The following CSTPP1 variants were observed in gnomAD, a reference collection of about 807,000 sequenced individuals.
CSTPP1 encodes UPF0705 protein C11orf49.
the CSTPP1 span, among the ~76,000 whole-genome samples, chr11:46,977,768 A>C: frequency 6.6e-6 from 1 of 152,250 alleles, no homozygotes; most frequent in African/African-American, 2.4e-5. Flanking sequence ...AATGACAAGT[A>C]GCCCCCAAAT....
chr11:47,118,392 G>A, the CSTPP1 span, among the ~76,000 whole-genome samples: 338 of 152,152 alleles, frequency 2.2e-3, no homozygotes, highest in African/African-American at 7.8e-3. Flanking sequence ...CGATGGGTTC[G>A]AAAATTCTTC....
At chr11:47,022,925 C>A in the CSTPP1 span, among the ~76,000 whole-genome samples, 1 of 152,140 alleles carries the variant, frequency 6.6e-6, no homozygotes, top group African/African-American at 2.4e-5. Context: ...AATTGCAATA[C>A]AAAGTCATAC....
the CSTPP1 span, among the ~76,000 whole-genome samples, chr11:46,993,159 T>G: frequency 6.6e-6 from 1 of 152,234 alleles, no homozygotes; most frequent in Non-Finnish European, 1.5e-5. Flanking sequence ...ATGGGTAGAT[T>G]GCAGAAATTT....
chr11:46,937,018 G>GA, the CSTPP1 span, among the ~76,000 whole-genome samples: 1 of 152,068 alleles, frequency 6.6e-6, no homozygotes, highest in Non-Finnish European at 1.5e-5. Flanking sequence ...GAGCAGGAAG[G>GA]AAAAAAGCAC....
At chr11:47,101,164 A>ATTTTTTTTTTTTTTTTT in the CSTPP1 span, among the ~76,000 whole-genome samples, 11 of 30,376 alleles carry the variant, frequency 3.6e-4, 1 homozygote, top group African/African-American at 5.4e-4. Context: ...ACACCGGCTA[A>ATTTTTTTTTTTTTTTTT]TTTTTTTTTT....
chr11:47,111,503 C>CTT, the CSTPP1 span, among the ~76,000 whole-genome samples: 8 of 152,126 alleles, frequency 5.3e-5, no homozygotes, highest in Non-Finnish European at 1.0e-4. Flanking sequence ...TGCTTTCTCT[C>CTT]TTATGTTGCT....
At chr11:47,137,230 T>C in the CSTPP1 span, 1 of 1,243,050 alleles carries the variant, frequency 8.0e-7, no homozygotes, top group South Asian at 1.3e-5. Flanking sequence ...ATTCTGTGGA[T>C]GGTCTTTGGG....
chr11:47,162,418 G>A, the CSTPP1 span, among the ~76,000 whole-genome samples: 4 of 152,196 alleles, frequency 2.6e-5, no homozygotes, highest in Non-Finnish European at 5.9e-5. Context: ...ACCTTCCAGA[G>A]GAAAAGTGCT....
At chr11:47,064,933 G>A in the CSTPP1 span, among the ~76,000 whole-genome samples, 6 of 152,134 alleles carry the variant, frequency 3.9e-5, no homozygotes, top group East Asian at 1.9e-4. Flanking sequence ...TAGTAGAGAC[G>A]GGGTTTCATC....
the CSTPP1 span, among the ~76,000 whole-genome samples, chr11:47,066,191 G>C: frequency 6.6e-6 from 1 of 151,076 alleles, no homozygotes; most frequent in African/African-American, 2.4e-5. Context: ...GTGAAAGCAG[G>C]CATCTTTGTC....
chr11:47,097,635 G>A, the CSTPP1 span, among the ~76,000 whole-genome samples: 86 of 104,080 alleles, frequency 8.3e-4, no homozygotes, highest in Admixed American at 1.8e-3. Context: ...GGAGGTGGGG[G>A]GGTCGGCCCC....
the CSTPP1 span, among the ~76,000 whole-genome samples, chr11:47,066,115 T>TTTTG: frequency 7.8e-5 from 10 of 127,666 alleles, no homozygotes; most frequent in African/African-American, 2.8e-4. Context: ...TTTTTTTTTT[T>TTTTG]TTGTTTGTTT....
the CSTPP1 span, among the ~76,000 whole-genome samples, chr11:47,064,680 G>C: frequency 6.6e-6 from 1 of 152,064 alleles, no homozygotes; most frequent in East Asian, 1.9e-4. Flanking sequence ...TTGTTGGTTT[G>C]CCTGTCCTTA....
chr11:47,161,572 TC>T, the CSTPP1 span: 1 of 1,614,090 alleles, frequency 6.2e-7, no homozygotes, highest in Non-Finnish European at 8.5e-7. Flanking sequence ...GACCTCTCCA[TC>T]ATTCCCGAAA....
At chr11:47,124,194 GCT>G in the CSTPP1 span, among the ~76,000 whole-genome samples, 3 of 129,068 alleles carry the variant, frequency 2.3e-5, no homozygotes, top group South Asian at 7.7e-4. Context: ...TGCGATCTCG[GCT>G]CACTGCAACC....
the CSTPP1 span, among the ~76,000 whole-genome samples, chr11:47,094,484 G>C: frequency 6.9e-4 from 104 of 149,974 alleles, no homozygotes; most frequent in Non-Finnish European, 8.6e-4. Flanking sequence ...CACACACAGA[G>C]AGAGAGAGAG....
At chr11:47,014,562 G>A in the CSTPP1 span, among the ~76,000 whole-genome samples, 4 of 151,956 alleles carry the variant, frequency 2.6e-5, no homozygotes, top group Non-Finnish European at 5.9e-5. Flanking sequence ...AATTAGCCAG[G>A]CGTGGTGGTG....
chr11:47,012,482 A>G, the CSTPP1 span, among the ~76,000 whole-genome samples: 7 of 152,174 alleles, frequency 4.6e-5, no homozygotes, highest in African/African-American at 1.7e-4. Flanking sequence ...CTGTAGCTGT[A>G]TAGGGGAAAG....
chr11:46,975,566 C>T, the CSTPP1 span, among the ~76,000 whole-genome samples: 4 of 152,220 alleles, frequency 2.6e-5, no homozygotes, highest in East Asian at 5.8e-4. Context: ...CTTTTCTCGT[C>T]TCTTTGGAAA....
Sources: gnomAD v4.1 joint callset for allele counts (sites outside exome capture counted in the v4.1 genomes callset) on GRCh38, gnomAD v4.1.1 for gene constraint, MANE v1.5 for transcripts, NCBI Gene and HGNC (gene_info 2026-07-23, HGNC 2026-07-21) for gene names.